SPTBN2: variants seen among roughly 807,000 people sequenced by gnomAD.
The protein encoded by SPTBN2 is spectrin beta, non-erythrocytic 2, also known as spectrin beta chain, non-erythrocytic 2.
In SPTBN2, 107 loss-of-function variants were observed where a neutral mutation model predicts 284.2. That is an observed-to-expected ratio of 0.38 (90% CI 0.32 to 0.44). The LOEUF is 0.44. Ranked by LOEUF, SPTBN2 falls within the 20% of genes least tolerant of loss-of-function variation. The pLI, the probability that SPTBN2 is intolerant of heterozygous loss-of-function variation, is 1.00. For synonymous variants in SPTBN2, 1,289 were observed against 1,354.8 expected, an observed-to-expected ratio of 0.95 and a Z score of 1.07; for missense variants, 2,569 against 3,287.1, an observed-to-expected ratio of 0.78 and a Z score of 5.34.
rs200956071 is a variant in SPTBN2, at chr11:66,715,910, G to A, written c.229C>T (p.Arg77Trp). 1.3e-5 allele frequency: 21 copies of A among 1,614,046 alleles called. No individual in the cohort carries two copies. The East Asian group carries it at 2.0e-4, about 15-fold the overall frequency. ...AGGTCGCTGTACAGGTCCCCCACCCGGCACGTGACCCGGGCCAGGTGCGAG... is the reference window on the plus strand; with the variant it reads ...AGGTCGCTGTACAGGTCCCCCACCCAGCACGTGACCCGGGCCAGGTGCGAG... ...VNSHLARVTC[R>W]VGDLYSDLRD... The change falls in exon 4 of 38, where the codon CGG becomes TGG. Residue 77 changes from arginine to tryptophan, a missense_variant. Around this residue, in one of 6 missense-constraint regions of SPTBN2, gnomAD observed 304 missense variants for 522.1 expected, o/e 0.58. Transcript: ENST00000533211. The surrounding 1 kb of genome is among the most constrained non-coding windows in gnomAD (Gnocchi z 5.3).
At position 66,707,693 on chromosome 11, in the gene SPTBN2, G is replaced by T. The variant is rs752211885; in HGVS notation, c.1476C>A (p.Ala492=). 1.9e-6 allele frequency: 3 copies of T among 1,605,222 alleles called. No homozygotes were observed. The highest frequency in any genetic ancestry group is 2.5e-6 in the Non-Finnish European group (3 of 1,179,258). Residue 492 remains alanine, a synonymous_variant, in exon 13 of 38, where the codon GCC becomes GCA. Coordinates refer to ENST00000533211, the MANE Select transcript of SPTBN2 (RefSeq NM_006946.4). This position sits in a 1 kb window ranked among gnomAD's most constrained non-coding sequence, Gnocchi z 4.9. ...GCTTGATGTCGTGGTAGCGCTCGGC[G>T]GCCAGCTCTGCAGCCACGGCGTCCA... ...QAVDAVAAEL[A]AERYHDIKRI...
intron 1 of SPTBN2, among the ~76,000 whole-genome samples, chr11:66,741,849 G>A (rs1365424061): frequency 6.6e-6 from 1 of 151,960 alleles, no homozygotes; most frequent in African/African-American, 2.4e-5. Flanking sequence ...TTGAGACAGG[G>A]TCTTGCTCTG....
rs377439463 is a variant in SPTBN2, at chr11:66,705,254, G to A, written c.2022C>T (p.Thr674=). The A allele has an allele frequency of 7.2e-5, 113 of 1,579,876 alleles. 2 individuals are homozygous for A. The Middle Eastern group carries it at 2.5e-3, about 35-fold the overall frequency. ...LASADTGRDL[T]GALRLLNKHT... is the part of the protein sequence containing the mutation. ...GCTTGTTGAGCAGGCGGAGGGCACCGGTCAGGTCTCGGCCCGTGTCGGCTG... is the reference window on the plus strand; with the variant it reads ...GCTTGTTGAGCAGGCGGAGGGCACCAGTCAGGTCTCGGCCCGTGTCGGCTG... Residue 674 remains threonine, a synonymous_variant, in exon 15 of 38, where the codon ACC becomes ACT. Transcript: ENST00000533211.
rs1161209671 is a variant in SPTBN2, at chr11:66,691,900, A to G, written c.5191-242T>C. 6.6e-6 allele frequency among the ~76,000 whole-genome samples: 1 copy of G among 152,178 alleles called. No homozygotes were observed. The highest frequency in any genetic ancestry group is 2.4e-5 in the African/African-American group (1 of 41,426). On this transcript the variant is annotated intron_variant, in intron 26 of 37. Transcript: ENST00000533211. The surrounding 1 kb of genome is among the most constrained non-coding windows in gnomAD (Gnocchi z 8.0). ...AAGGTGCTTGGGACCCTTAGGCTTCAGACAAGGATACCCTAACTATGGTCC... is the reference window on the plus strand; with the variant it reads ...AAGGTGCTTGGGACCCTTAGGCTTCGGACAAGGATACCCTAACTATGGTCC...
Position 66,703,224 on chromosome 11 carries a change from C to T in SPTBN2, c.2678+1374G>A, listed in dbSNP as rs776711384. On this transcript the variant is annotated intron_variant, in intron 15 of 37. Transcript: ENST00000533211. ...CCTCCCCAGTAGCTGGGACTACAGGCGCCTGCCACCATGCCTGGCTAATTA... is the reference window on the plus strand; with the variant it reads ...CCTCCCCAGTAGCTGGGACTACAGGTGCCTGCCACCATGCCTGGCTAATTA... 3.3e-5 allele frequency among the ~76,000 whole-genome samples: 5 copies of T among 151,624 alleles called. No individual in the cohort carries two copies. In the East Asian group the frequency reaches 6.0e-4, roughly 18 times the overall value.
rs375236596 is a variant in SPTBN2 at position 66,682,967 on chromosome 11, T to C, written c.*2904A>G. Among the ~76,000 whole-genome samples the C allele has an allele frequency of 2.0e-4, 31 of 151,840 alleles. No individual in the cohort carries two copies. Among genetic ancestry groups the C allele is most frequent in the African/African-American group, 7.0e-4 (29 of 41,418 alleles). On this transcript the variant is annotated 3_prime_UTR_variant, in exon 38 of 38. Transcript: ENST00000533211. ...TGGGGTTTCACCATGTTGCCCAGGCTGGTCTTGAACTCCTGAGCTCAAGTG... is the reference window on the plus strand; with the variant it reads ...TGGGGTTTCACCATGTTGCCCAGGCCGGTCTTGAACTCCTGAGCTCAAGTG...
Position 66,721,394 on chromosome 11 carries a change from CAG to C in SPTBN2, c.-69_-68del. On this transcript the variant is annotated 5_prime_UTR_variant, in exon 2 of 38. Transcript: ENST00000533211. Reference sequence around the variant, plus strand: ...TGGCCAGAGGCTGCGGTTGGCTGCTCAGTGGAAATCAGCCCCCAGGGGAAGAG... The same window carrying C: ...TGGCCAGAGGCTGCGGTTGGCTGCTCTGGAAATCAGCCCCCAGGGGAAGAG... 9.9e-7 allele frequency: 1 copy of C among 1,007,628 alleles called. No homozygotes were observed. The allele number at this position is 1,007,628 out of a possible 1,614,324, so 62.4% of individuals were successfully genotyped here. A position where few individuals can be genotyped will look rare whatever the true frequency, so the allele number is the denominator to read the frequency against.
At chr11:66,686,248 G>T (rs1368416553) in intron 37 of SPTBN2, 144 bp from the exon 38 acceptor site, 1 of 1,380,162 alleles carries the variant, frequency 7.2e-7, no homozygotes, top group Admixed American at 1.7e-5. Context: ...CTTAGACAGG[G>T]AGTGCGGCCT....
chr11:66,705,636 T>G (rs775399452), intron 14 of SPTBN2, 48 bp downstream of exon 14: 2 of 1,606,732 alleles, frequency 1.2e-6, no homozygotes, highest in East Asian at 4.5e-5. Context: ...GCTCTTGATG[T>G]GCTCCTTCCC....
At chr11:66,722,357 A>T (rs563755922) in intron 1 of SPTBN2, among the ~76,000 whole-genome samples, 1 of 147,078 alleles carries the variant, frequency 6.8e-6, no homozygotes, top group South Asian at 2.1e-4. Flanking sequence ...GGCGGATCAC[A>T]AGGTCAGGAG....
At chr11:66,704,248 A>G (rs1444110877) in intron 15 of SPTBN2, among the ~76,000 whole-genome samples, 1 of 152,146 alleles carries the variant, frequency 6.6e-6, no homozygotes, top group Non-Finnish European at 1.5e-5. Flanking sequence ...CTGGGATTAC[A>G]GGTGTGAGCC....
At position 66,690,230 on chromosome 11, in the gene SPTBN2, G is replaced by A; in HGVS notation, c.5619C>T (p.Asp1873=). 1 of 1,613,414 alleles carries A rather than the reference G, an allele frequency of 6.2e-7. No individual in the cohort carries two copies. The highest frequency in any genetic ancestry group is 8.5e-7 in the Non-Finnish European group (1 of 1,179,724). Residue 1873 remains aspartate, a synonymous_variant, in exon 28 of 38, where the codon GAC becomes GAT. Coordinates refer to ENST00000533211, the MANE Select transcript of SPTBN2 (RefSeq NM_006946.4). The stretch of plus-strand genomic sequence containing the variant: ...TGTGGCGGCCGATCTCCTCAGCCTT[G>A]TCTCCAGCGTAGGCCTTCTGGAGCC... ...GHRLQKAYAG[D]KAEEIGRHMQ...
intron 21 of SPTBN2, among the ~76,000 whole-genome samples, chr11:66,695,974 C>T (rs959990837): frequency 3.3e-5 from 5 of 151,976 alleles, no homozygotes; most frequent in South Asian, 2.1e-4. Context: ...TGACCTCAAG[C>T]GACCTGCCTG....
At position 66,685,961 on chromosome 11, in the gene SPTBN2, G is replaced by A. The variant is rs200262256; in HGVS notation, c.7083C>T (p.Val2361=). The change falls in exon 38 of 38, where the codon GTC becomes GTT. Residue 2361 remains valine (V), a synonymous_variant. Coordinates refer to ENST00000533211, the MANE Select transcript of SPTBN2 (RefSeq NM_006946.4). The surrounding 1 kb of genome is among the most constrained non-coding windows in gnomAD (Gnocchi z 4.4). The part of the protein sequence containing the change: ...RAMTMPPVSP[V]GAEGPVVLRS... ...GGAGCACAACAGGCCCCTCAGCCCC[G>A]ACGGGTGACACTGGGGGCATGGTCA... The A allele has an allele frequency of 4.2e-5, 68 of 1,613,642 alleles. No individual in the cohort carries two copies. Among genetic ancestry groups the A allele is most frequent in the Admixed American group, 1.8e-4 (11 of 59,994 alleles).
At chr11:66,705,582 C>A (rs1279078790) in intron 14 of SPTBN2, 102 bp downstream of exon 14, 8 of 1,601,606 alleles carry the variant, frequency 5.0e-6, no homozygotes, top group Non-Finnish European at 6.8e-6. Context: ...CATCGTTTGG[C>A]CACCATCTTT....
Position 66,694,159 on chromosome 11 carries a change from G to A in SPTBN2, c.4483C>T (p.Arg1495Cys), listed in dbSNP as rs202066507. The A allele has an allele frequency of 9.3e-6, 15 of 1,609,280 alleles. No homozygotes were observed. The highest frequency in any genetic ancestry group is 1.2e-5 in the Non-Finnish European group (14 of 1,180,018). Reference protein sequence around the residue: ...QASREQHQFHRDVEDEILWVT... With the variant: ...QASREQHQFHCDVEDEILWVT... Reference sequence around the variant, plus strand: ...CTCACAATCTCATCTTCCACATCGCGGTGGAACTGGTGCTGCTCGCGAGAA... The same window carrying A: ...CTCACAATCTCATCTTCCACATCGCAGTGGAACTGGTGCTGCTCGCGAGAA... Residue 1495 changes from arginine (R) to cysteine (C), a missense_variant, in exon 22 of 38, where the codon CGC (arginine) becomes TGC (cysteine). Physicochemically the swap from Arg to Cys is radical, Grantham distance 180. Around this residue, in one of 6 missense-constraint regions of SPTBN2, gnomAD observed 1,130 missense variants for 1,317.3 expected, o/e 0.86. Coordinates refer to ENST00000533211, the MANE Select transcript of SPTBN2 (RefSeq NM_006946.4).
chr11:66,688,508 A>G (rs1940309040), intron 31 of SPTBN2, 145 bp downstream of exon 31: 1 of 1,452,682 alleles, frequency 6.9e-7, no homozygotes, highest in Non-Finnish European at 9.3e-7. Context: ...CACCTCCTAA[A>G]GGTGTGGTGA....
intron 3 of SPTBN2, among the ~76,000 whole-genome samples, chr11:66,717,780 A>G (rs1161803215): frequency 6.6e-6 from 1 of 152,122 alleles, no homozygotes; most frequent in Non-Finnish European, 1.5e-5. Flanking sequence ...AGCACCAGAA[A>G]CCAAGTGTCA....
intron 36 of SPTBN2, 195 bp downstream of exon 36, chr11:66,686,799 G>T (rs1565107519): frequency 4.0e-6 from 3 of 743,594 alleles, no homozygotes; most frequent in Non-Finnish European, 4.5e-6. Flanking sequence ...CCTGGGTCTT[G>T]GTTCTCCTGC....
Sources: allele counts gnomAD v4.1 joint callset (sites outside exome capture counted in the v4.1 genomes callset), GRCh38; gene constraint gnomAD v4.1.1; regional missense constraint gnomAD v4.1.1; non-coding constraint Gnocchi (gnomAD v3.1); transcripts MANE v1.5; gene names NCBI Gene and HGNC (gene_info 2026-07-23, HGNC 2026-07-21).